Variants in ELOVL2 observed in about 807,000 individuals in gnomAD.
ELOVL2 encodes the protein very long chain fatty acid elongase 2.
ELOVL2 carries 38 observed loss-of-function variants against 37.7 expected under a neutral mutation model. The ratio of observed to expected loss-of-function variants is 1.01; its 90% CI spans 0.78 to 1.32. The LOEUF (loss-of-function observed/expected upper bound fraction) is 1.32. ELOVL2 is among the 40% of genes most tolerant of loss of function. The probability of loss-of-function intolerance (pLI) is 0.00; values close to 1 mark genes in which losing one functional copy is unlikely to be tolerated. For missense variants in ELOVL2, 352 were observed against 363.6 expected (o/e 0.97, Z 0.26); for synonymous variants, 115 against 122.3 (o/e 0.94, Z 0.40).
intron 5 of ELOVL2, among the ~76,000 whole-genome samples, chr6:10,994,738 T>C (rs1371942821): frequency 6.6e-6 from 1 of 152,180 alleles, no homozygotes; most frequent in African/African-American, 2.4e-5. Flanking sequence ...CAGCTCCCGC[T>C]GGGGTATGTG....
At chr6:10,988,521 G>A (rs757816672) in intron 7 of ELOVL2, among the ~76,000 whole-genome samples, 20 of 152,226 alleles carry the variant, frequency 1.3e-4, no homozygotes, top group African/African-American at 4.1e-4. Flanking sequence ...CCGAGACTGC[G>A]CCATTGCACT....
rs1235876407 is a variant in ELOVL2 at position 10,982,085 on chromosome 6, G to A, written c.*1696C>T. ...TTTAGAAAGATAAATGTAAGAGTCAGGGGCATCACACAGGAGACATCTGTT... is the reference window on the plus strand; with the variant it reads ...TTTAGAAAGATAAATGTAAGAGTCAAGGGCATCACACAGGAGACATCTGTT... On this transcript the variant is annotated 3_prime_UTR_variant, in exon 8 of 8. Coordinates refer to ENST00000354666, the MANE Select transcript of ELOVL2 (RefSeq NM_017770.4). The A allele has an allele frequency of 6.6e-6, 1 of 152,222 alleles. No individual in the cohort carries two copies. Among genetic ancestry groups the A allele is most frequent in the Non-Finnish European group, 1.5e-5 (1 of 68,078 alleles). The allele number at this position is 152,222 out of a possible 1,614,324, so 9.4% of individuals were successfully genotyped here. A position where few individuals can be genotyped will look rare whatever the true frequency, so the allele number is the denominator to read the frequency against.
chr6:11,000,303 T>A, intron 3 of ELOVL2, 139 bp from the exon 4 acceptor site: 1 of 754,926 alleles, frequency 1.3e-6, no homozygotes, highest in Non-Finnish European at 2.2e-6. Flanking sequence ...GTCTCAATCC[T>A]ATCCTCAAAC....
chr6:11,031,327 A>C (rs753378754), intron 1 of ELOVL2, among the ~76,000 whole-genome samples: 1 of 152,230 alleles, frequency 6.6e-6, no homozygotes. Flanking sequence ...TGGGGAATAC[A>C]TTTTTATTTG....
intron 1 of ELOVL2, among the ~76,000 whole-genome samples, chr6:11,033,768 A>G (rs940432242): frequency 1.3e-5 from 2 of 152,212 alleles, no homozygotes; most frequent in Admixed American, 6.5e-5. Context: ...TCCTCCCCAG[A>G]AGAAAAATCC....
At chr6:10,999,022 G>A (rs952337442) in intron 4 of ELOVL2, among the ~76,000 whole-genome samples, 3 of 151,826 alleles carry the variant, frequency 2.0e-5, no homozygotes, top group African/African-American at 4.8e-5. Context: ...TTATCCCATA[G>A]TGTACTATCA....
At chr6:11,014,821 T>C (rs1311266322) in intron 1 of ELOVL2, among the ~76,000 whole-genome samples, 4 of 152,246 alleles carry the variant, frequency 2.6e-5, no homozygotes, top group African/African-American at 7.2e-5. Flanking sequence ...TAGGAAACTA[T>C]AGGAATTCTT....
In ELOVL2 at chr6:10,997,827, C is replaced by T. The variant is rs568381855; in HGVS notation, c.333+2260G>A. Among the ~76,000 whole-genome samples, 13 of 152,246 alleles carry T rather than the reference C, an allele frequency of 8.5e-5. No individual in the cohort carries two copies. In the East Asian group the frequency reaches 1.2e-3, roughly 14 times the overall value. On this transcript the variant is annotated intron_variant, in intron 4 of 7. Coordinates refer to ENST00000354666, the MANE Select transcript of ELOVL2 (RefSeq NM_017770.4). Reference sequence around the variant, plus strand: ...TGAACAGTGAGTTCAGGTATTGAGTCGTCATTATGAAGTTTCTATTCAATT... The same window carrying T: ...TGAACAGTGAGTTCAGGTATTGAGTTGTCATTATGAAGTTTCTATTCAATT...
intron 5 of ELOVL2, among the ~76,000 whole-genome samples, chr6:10,994,296 G>C (rs112699356): frequency 4.8e-4 from 73 of 152,044 alleles, no homozygotes; most frequent in African/African-American, 1.6e-3. Flanking sequence ...GTGAAACCCT[G>C]TCTCTACTAA....
chr6:11,001,464 A>T (rs181618472), intron 3 of ELOVL2, among the ~76,000 whole-genome samples: 2 of 152,284 alleles, frequency 1.3e-5, no homozygotes, highest in Admixed American at 1.3e-4. Context: ...TAAACTACAT[A>T]TAAATTTTGG....
chr6:11,021,355 T>C (rs750125906), intron 1 of ELOVL2, among the ~76,000 whole-genome samples: 22 of 152,202 alleles, frequency 1.4e-4, no homozygotes, highest in Non-Finnish European at 2.4e-4. Context: ...CAATAAGCAT[T>C]TGTGAAAAGC....
At chr6:11,035,605 T>G (rs1782994246) in intron 1 of ELOVL2, among the ~76,000 whole-genome samples, 1 of 152,236 alleles carries the variant, frequency 6.6e-6, no homozygotes, top group Non-Finnish European at 1.5e-5. Context: ...CTGAACACAT[T>G]CTTGCCATGA....
At chr6:10,990,054 AATT>A (rs1401530014) in intron 6 of ELOVL2, among the ~76,000 whole-genome samples, 1 of 152,252 alleles carries the variant, frequency 6.6e-6, no homozygotes, top group African/African-American at 2.4e-5. Flanking sequence ...TCGCAGTTAA[AATT>A]ATTTAGACAA....
chr6:10,983,970 A>G, intron 7 of ELOVL2, 64 bp from the exon 8 acceptor site: 1 of 1,428,284 alleles, frequency 7.0e-7, no homozygotes, highest in Non-Finnish European at 9.6e-7. Context: ...CTTGTCTTTA[A>G]CAGTGCATAT....
At chr6:10,999,842 G>A (rs575088744) in intron 4 of ELOVL2, among the ~76,000 whole-genome samples, 41 of 152,264 alleles carry the variant, frequency 2.7e-4, no homozygotes, top group Non-Finnish European at 5.3e-4. Flanking sequence ...ATTCTGTAGC[G>A]GTATAGAGCT....
intron 1 of ELOVL2, among the ~76,000 whole-genome samples, chr6:11,021,095 G>A (rs1238678324): frequency 6.6e-6 from 1 of 152,180 alleles, no homozygotes; most frequent in African/African-American, 2.4e-5. Flanking sequence ...GGCAGACTGG[G>A]CCAGAATGTG....
chr6:11,010,883 C>A, intron 1 of ELOVL2, 74 bp from the exon 2 acceptor site: 1 of 1,138,598 alleles, frequency 8.8e-7, no homozygotes, highest in Non-Finnish European at 1.3e-6. Flanking sequence ...AAGCCACTAC[C>A]AACAACATGT....
chr6:11,019,839 A>G (rs7776127), intron 1 of ELOVL2, among the ~76,000 whole-genome samples: 12,867 of 150,300 alleles, frequency 0.086, 1,676 homozygotes, highest in African/African-American at 0.28. Flanking sequence ...CGCCTCCTGC[A>G]TTCAAGTGAT....
chr6:11,003,642 G>T (rs976081), intron 3 of ELOVL2, among the ~76,000 whole-genome samples: 128,145 of 152,262 alleles, frequency 0.84, 54,457 homozygotes, highest in African/African-American at 0.96. Flanking sequence ...AGAGTATCTT[G>T]CCTTCTGCTA....
Sources: allele counts gnomAD v4.1 joint callset (sites outside exome capture counted in the v4.1 genomes callset), GRCh38; gene constraint gnomAD v4.1.1; transcripts MANE v1.5; gene names NCBI Gene and HGNC (gene_info 2026-07-23, HGNC 2026-07-21).